Variants in PGM5 observed in about 807,000 individuals in gnomAD.
PGM5 encodes phosphoglucomutase-like protein 5.
Under a neutral mutation model 59.2 loss-of-function variants are expected in PGM5, and 23 were observed. The observed-to-expected ratio is 0.39, with a 90% CI of 0.28 to 0.55. The LOEUF is 0.55. Ranked by LOEUF, PGM5 falls within the 20% of genes least tolerant of loss-of-function variation. The probability of loss-of-function intolerance (pLI) is 0.66; values close to 1 mark genes in which losing one functional copy is unlikely to be tolerated. For synonymous variants in PGM5, 214 were observed against 286.0 expected, an observed-to-expected ratio of 0.75 and a Z score of 2.54; for missense variants, 574 against 748.3, an observed-to-expected ratio of 0.77 and a Z score of 2.72.
chr9:68,415,052 G>A (rs1823000206), intron 6 of PGM5, among the ~76,000 whole-genome samples: 1 of 149,198 alleles, frequency 6.7e-6, no homozygotes, highest in South Asian at 2.1e-4. Flanking sequence ...AAGGCACCAT[G>A]TTATGTGCTG....
intron 6 of PGM5, among the ~76,000 whole-genome samples, chr9:68,428,029 C>CTCT (rs1823266736): frequency 6.6e-6 from 1 of 152,168 alleles, no homozygotes; most frequent in Non-Finnish European, 1.5e-5. Flanking sequence ...TTTTATAATG[C>CTCT]TCTGTAAAGA....
chr9:68,379,105 A>T (rs560369749), intron 2 of PGM5, among the ~76,000 whole-genome samples: 10 of 152,204 alleles, frequency 6.6e-5, no homozygotes, highest in African/African-American at 2.4e-4. Context: ...CTGTGCTAAC[A>T]TACCTAACAA....
At chr9:68,363,412 C>A (rs1834618926) in intron 1 of PGM5, among the ~76,000 whole-genome samples, 1 of 152,248 alleles carries the variant, frequency 6.6e-6, no homozygotes, top group Non-Finnish European at 1.5e-5. Context: ...TAGTAGCTAC[C>A]ATACTGGACA....
At chr9:68,366,676 T>C (rs547369240) in intron 1 of PGM5, among the ~76,000 whole-genome samples, 1 of 152,408 alleles carries the variant, frequency 6.6e-6, no homozygotes, top group South Asian at 2.1e-4. Flanking sequence ...TGGATTTGAA[T>C]CATGATACTA....
chr9:68,365,106 T>C (rs1351546601), intron 1 of PGM5, among the ~76,000 whole-genome samples: 1 of 149,140 alleles, frequency 6.7e-6, no homozygotes, highest in African/African-American at 2.4e-5. Flanking sequence ...CTTTTGGAGA[T>C]GTCCAAGCAT....
At chr9:68,409,438 C>A (rs1452395694) in intron 6 of PGM5, among the ~76,000 whole-genome samples, 1 of 128,974 alleles carries the variant, frequency 7.8e-6, no homozygotes, top group South Asian at 3.0e-4. Context: ...ATGTTTATTG[C>A]GGCATTATTC....
At chr9:68,357,589 C>G in intron 1 of PGM5, 1 of 799,330 alleles carries the variant, frequency 1.3e-6, no homozygotes, top group South Asian at 1.8e-5. Flanking sequence ...ACACTGGGTT[C>G]TATTAGTACC....
rs1292690027 is a variant in PGM5, at chr9:68,357,179, G to C, written c.52G>C (p.Asp18His). ...VLTVPTAPYEDQRPAGGGGLR... is the reference protein window; with the variant it reads ...VLTVPTAPYEHQRPAGGGGLR... The stretch of plus-strand genomic sequence containing the variant: ...GACAGTGCCCACCGCGCCCTACGAG[G>C]ACCAGCGGCCGGCCGGCGGCGGGGG... The change falls in exon 1 of 11, where the codon GAC (aspartate) becomes CAC (histidine). Residue 18 changes from aspartate (D) to histidine (H), a missense_variant. Around this residue, in one of 7 missense-constraint regions of PGM5, gnomAD observed 60 missense variants for 71.0 expected, o/e 0.85. Coordinates refer to ENST00000396396, the MANE Select transcript of PGM5 (RefSeq NM_021965.4). 1.3e-5 allele frequency: 20 copies of C among 1,538,446 alleles called. No individual in the cohort carries two copies. Among genetic ancestry groups the C allele is most frequent in the African/African-American group, 4.1e-5 (3 of 72,880 alleles).
At position 68,357,292 on chromosome 9, in the gene PGM5, C is replaced by T. The variant is rs1554675811; in HGVS notation, c.165C>T (p.Arg55=). The change falls in exon 1 of 11, where the codon CGC becomes CGT. Residue 55 remains arginine (R), a synonymous_variant. Coordinates refer to ENST00000396396, the MANE Select transcript of PGM5 (RefSeq NM_021965.4). ...GCGTGCTGTCGTCCATCGACCTGCGCGACCGTCAGGGCTGCACCATGGTGG... is the reference window on the plus strand; with the variant it reads ...GCGTGCTGTCGTCCATCGACCTGCGTGACCGTCAGGGCTGCACCATGGTGG... The part of the protein sequence containing the change: ...IQSVLSSIDL[R]DRQGCTMVVG... The T allele has an allele frequency of 5.8e-6, 9 of 1,545,966 alleles. No homozygotes were observed. The highest frequency in any genetic ancestry group is 3.9e-5 in the Admixed American group (2 of 51,058).
At chr9:68,503,224 A>T (rs903008782) in intron 10 of PGM5, among the ~76,000 whole-genome samples, 5 of 152,228 alleles carry the variant, frequency 3.3e-5, no homozygotes, top group Admixed American at 1.3e-4. Flanking sequence ...GATTTACAAC[A>T]GGGTTACACC....
chr9:68,469,820 T>C (rs1564013920), intron 7 of PGM5, among the ~76,000 whole-genome samples: 1 of 152,160 alleles, frequency 6.6e-6, no homozygotes, highest in Non-Finnish European at 1.5e-5. Flanking sequence ...GAAAGGAAGA[T>C]AGGTGGGTGG....
intron 1 of PGM5, among the ~76,000 whole-genome samples, chr9:68,377,303 T>C (rs1334390770): frequency 2.0e-5 from 3 of 152,282 alleles, no homozygotes; most frequent in South Asian, 2.1e-4. Context: ...GCTTTATTAC[T>C]GAGCTTGGCT....
chr9:68,376,035 G>A (rs1399040517), intron 1 of PGM5, among the ~76,000 whole-genome samples: 1 of 152,180 alleles, frequency 6.6e-6, no homozygotes, highest in East Asian at 1.9e-4. Flanking sequence ...ACATGATGGA[G>A]GTCAGATTAT....
At chr9:68,401,052 G>T (rs1387998790) in intron 6 of PGM5, among the ~76,000 whole-genome samples, 1 of 151,712 alleles carries the variant, frequency 6.6e-6, no homozygotes, top group Non-Finnish European at 1.5e-5. Context: ...CTAAGAGTTG[G>T]TGTCTAATGG....
intron 6 of PGM5, among the ~76,000 whole-genome samples, chr9:68,408,498 C>T (rs1440300801): frequency 7.9e-5 from 12 of 152,170 alleles, no homozygotes; most frequent in East Asian, 1.9e-4. Flanking sequence ...GAGTAGGTTG[C>T]GAAAATTTTC....
chr9:68,470,165 A>G (rs2132082773), intron 7 of PGM5, among the ~76,000 whole-genome samples: 1 of 152,318 alleles, frequency 6.6e-6, no homozygotes, highest in East Asian at 1.9e-4. Flanking sequence ...ATTTTAAATT[A>G]TTTATAATTT....
At chr9:68,358,437 C>T (rs1227018585) in intron 1 of PGM5, among the ~76,000 whole-genome samples, 1 of 152,112 alleles carries the variant, frequency 6.6e-6, no homozygotes, top group Non-Finnish European at 1.5e-5. Flanking sequence ...AGAGGGATAC[C>T]TAATTTCAGG....
At chr9:68,436,177 G>T (rs534060200) in intron 6 of PGM5, among the ~76,000 whole-genome samples, 1 of 152,186 alleles carries the variant, frequency 6.6e-6, no homozygotes, top group Admixed American at 6.5e-5. Context: ...TTAGCCCAAA[G>T]GTGGGCAACC....
intron 6 of PGM5, among the ~76,000 whole-genome samples, chr9:68,404,053 G>C (rs1822742034): frequency 6.6e-6 from 1 of 152,142 alleles, no homozygotes; most frequent in South Asian, 2.1e-4. Flanking sequence ...GTATTTATTA[G>C]GCTTCGGCAG....
Sources: allele counts gnomAD v4.1 joint callset (sites outside exome capture counted in the v4.1 genomes callset), GRCh38; gene constraint gnomAD v4.1.1; regional missense constraint gnomAD v4.1.1; transcripts MANE v1.5; gene names NCBI Gene and HGNC (gene_info 2026-07-23, HGNC 2026-07-21).